RBPJ: variants seen among roughly 807,000 people sequenced by gnomAD.
The protein encoded by RBPJ is recombination signal binding protein for immunoglobulin kappa J region, also known as recombining binding protein suppressor of hairless.
RBPJ carries 9 observed loss-of-function variants against 67.8 expected under a neutral mutation model. That is an observed-to-expected ratio of 0.13 (90% CI 0.08 to 0.23). The LOEUF (loss-of-function observed/expected upper bound fraction) is 0.23, where lower values mean the gene tolerates loss of function less well. Among genes scored for constraint, RBPJ ranks in the 10% least tolerant of loss-of-function variants. The pLI, the probability that RBPJ is intolerant of heterozygous loss-of-function variation, is 1.00. For synonymous variants in RBPJ, 198 were observed against 203.3 expected (o/e 0.97, Z 0.22); for missense variants, 305 against 595.6 (o/e 0.51, Z 5.08).
chr4:26,185,909 G>C (rs1717233361), intron 1 of RBPJ, among the ~76,000 whole-genome samples: 1 of 152,148 alleles, frequency 6.6e-6, no homozygotes, highest in Non-Finnish European at 1.5e-5. Context: ...AGCTGGGTGT[G>C]GTGGCACGTG....
upstream of RBPJ, among the ~76,000 whole-genome samples, chr4:26,319,414 C>T (rs1252200682): frequency 6.6e-6 from 1 of 151,882 alleles, no homozygotes; most frequent in Non-Finnish European, 1.5e-5. Context: ...CCCTCCGCCC[C>T]GTGCTCCCAG....
intron 1 of RBPJ, among the ~76,000 whole-genome samples, chr4:26,252,730 G>T (rs1450981049): frequency 6.6e-6 from 1 of 152,320 alleles, no homozygotes; most frequent in Admixed American, 6.5e-5. Context: ...TTTCAGACCA[G>T]GTTCATCATT....
chr4:26,415,469 CT>C lies in RBPJ; in HGVS notation c.156-4del. ...TTGTTTTTTTTTTTCCCCTATTATTCTTCAGGTTTTTTTGCCCACCTCCTTG... is the reference window on the plus strand; with the variant it reads ...TTGTTTTTTTTTTTCCCCTATTATTCTCAGGTTTTTTTGCCCACCTCCTTG... On this transcript the variant is annotated splice_region_variant and splice_polypyrimidine_tract_variant and intron_variant, in intron 3 of 10. Transcript: ENST00000355476. 1 of 1,543,492 alleles carries C rather than the reference CT, an allele frequency of 6.5e-7. No individual in the cohort carries two copies. The highest frequency in any genetic ancestry group is 8.7e-7 in the Non-Finnish European group (1 of 1,150,704).
chr4:26,326,716 AC>A (rs1409318745), intron 1 of RBPJ, among the ~76,000 whole-genome samples: 5 of 152,220 alleles, frequency 3.3e-5, no homozygotes, highest in African/African-American at 1.2e-4. Flanking sequence ...GTCAAATGAA[AC>A]AGTGTATGTG....
chr4:26,249,559 G>T (rs981058357), intron 1 of RBPJ, among the ~76,000 whole-genome samples: 2 of 151,888 alleles, frequency 1.3e-5, no homozygotes, highest in African/African-American at 2.4e-5. Context: ...TACTTGGGAG[G>T]CTGGGGCACG....
At chr4:26,133,596 G>A in the RBPJ span, among the ~76,000 whole-genome samples, 1 of 152,202 alleles carries the variant, frequency 6.6e-6, no homozygotes, top group Non-Finnish European at 1.5e-5. Context: ...CCTCCCATCA[G>A]ATCAGCAGTG....
intron 2 of RBPJ, among the ~76,000 whole-genome samples, chr4:26,401,370 C>G (rs566051686): frequency 1.3e-5 from 2 of 152,214 alleles, no homozygotes; most frequent in Non-Finnish European, 2.9e-5. Context: ...TCAGTATCAT[C>G]TTGGGAAAGT....
chr4:26,169,835 G>A (rs1716496658), intron 1 of RBPJ, among the ~76,000 whole-genome samples: 1 of 152,188 alleles, frequency 6.6e-6, no homozygotes, highest in Non-Finnish European at 1.5e-5. Flanking sequence ...AGACTGCTGT[G>A]CTAGCAATCA....
At chr4:26,147,031 C>T in the RBPJ span, among the ~76,000 whole-genome samples, 5 of 152,192 alleles carry the variant, frequency 3.3e-5, no homozygotes, top group Non-Finnish European at 7.4e-5. Context: ...ATGAGGTGGC[C>T]GCAGAAGGGA....
At position 26,373,986 on chromosome 4, in the gene RBPJ, TTGG is replaced by T. The variant is rs1238371347; in HGVS notation, c.21-12366_21-12364del. Among the ~76,000 whole-genome samples the T allele has an allele frequency of 9.1e-3, 1,358 of 149,832 alleles. 14 individuals are homozygous for T. Among genetic ancestry groups the T allele is most frequent in the African/African-American group, 0.032 (1,294 of 40,782 alleles). ...CAGGCTGGAGTGCAGTGGCACGATC[TTGG>T]CTCACTGCAGCCTCCGCCTCCTGGG... On this transcript the variant is annotated intron_variant, in intron 1 of 10. Transcript: ENST00000355476.
At chr4:26,326,374 C>T (rs1299476765) in intron 1 of RBPJ, among the ~76,000 whole-genome samples, 1 of 151,650 alleles carries the variant, frequency 6.6e-6, no homozygotes, top group Non-Finnish European at 1.5e-5. Flanking sequence ...ATAAAACTGA[C>T]AAGTTTAAAT....
chr4:26,288,714 ACAAC>A (rs1721563025), intron 1 of RBPJ, among the ~76,000 whole-genome samples: 1 of 152,242 alleles, frequency 6.6e-6, no homozygotes, highest in Non-Finnish European at 1.5e-5. Context: ...GGAAGTTATA[ACAAC>A]CAACATTTCT....
intron 8 of RBPJ, 138 bp from the exon 9 acceptor site, chr4:26,429,760 C>G (rs1246892557): frequency 1.4e-6 from 1 of 698,912 alleles, no homozygotes; most frequent in African/African-American, 1.8e-5. Context: ...TGGCAAAGCA[C>G]CATACTTTAG....
At chr4:26,389,530 C>T (rs1372632882) in intron 2 of RBPJ, among the ~76,000 whole-genome samples, 1 of 146,622 alleles carries the variant, frequency 6.8e-6, no homozygotes, top group African/African-American at 2.5e-5. Flanking sequence ...TAGGCCTTAG[C>T]TACAGTGTTA....
At chr4:26,116,333 A>G in the RBPJ span, among the ~76,000 whole-genome samples, 1 of 152,278 alleles carries the variant, frequency 6.6e-6, no homozygotes, top group Non-Finnish European at 1.5e-5. Flanking sequence ...AATGCCCGGT[A>G]TGCTGTGAAA....
chr4:26,125,663 G>C, the RBPJ span, among the ~76,000 whole-genome samples: 3 of 152,204 alleles, frequency 2.0e-5, no homozygotes, highest in East Asian at 5.8e-4. Context: ...GCTGAGTGTG[G>C]TGGTGCATGC....
At chr4:26,315,196 A>ATATATG (rs1318800465), upstream of RBPJ, among the ~76,000 whole-genome samples, 1 of 127,518 alleles carries the variant, frequency 7.8e-6, no homozygotes, top group African/African-American at 2.9e-5. Flanking sequence ...ATATATATGT[A>ATATATG]TGTATATACT....
At chr4:26,183,110 A>G (rs530224693) in intron 1 of RBPJ, among the ~76,000 whole-genome samples, 1 of 152,392 alleles carries the variant, frequency 6.6e-6, no homozygotes, top group South Asian at 2.1e-4. Context: ...ATTTATTATT[A>G]TCAAGCATTA....
At chr4:26,417,630 G>GA (rs1368612128) in intron 4 of RBPJ, among the ~76,000 whole-genome samples, 39 of 150,214 alleles carry the variant, frequency 2.6e-4, no homozygotes, top group Admixed American at 4.0e-4. Flanking sequence ...ATCCCAGGCA[G>GA]AAAAAAAAAC....
Sources: allele counts gnomAD v4.1 joint callset (sites outside exome capture counted in the v4.1 genomes callset), GRCh38; gene constraint gnomAD v4.1.1; transcripts MANE v1.5; gene names NCBI Gene and HGNC (gene_info 2026-07-23, HGNC 2026-07-21).